The following PKHD1L1 variants were observed in gnomAD, a reference collection of about 807,000 sequenced individuals.
PKHD1L1 encodes the protein PKHD1 like 1.
Under a neutral mutation model 462.9 loss-of-function variants are expected in PKHD1L1, and 434 were observed. The ratio of observed to expected loss-of-function variants is 0.94; its 90% CI spans 0.87 to 1.02. PKHD1L1 has a LOEUF of 1.02. PKHD1L1 is among the 50% of genes least tolerant of loss of function. The pLI is 0.00. For synonymous variants in PKHD1L1, 1,781 were observed against 1,750.0 expected (o/e 1.02, Z -0.44); for missense variants, 5,202 against 5,096.1 (o/e 1.02, Z -0.63).
chr8:109,417,306 T>C (rs1367220335), intron 21 of PKHD1L1, among the ~76,000 whole-genome samples: 1 of 152,112 alleles, frequency 6.6e-6, no homozygotes. Context: ...ACATCTCATG[T>C]ACCCCACAAA....
At chr8:109,448,868 C>T (rs188484692) in intron 39 of PKHD1L1, among the ~76,000 whole-genome samples, 14 of 151,966 alleles carry the variant, frequency 9.2e-5, no homozygotes, top group African/African-American at 2.4e-4. Flanking sequence ...AAAACTTAAT[C>T]CTACTTAAAA....
At chr8:109,486,571 C>A in intron 58 of PKHD1L1, 77 bp from the exon 59 acceptor site, 1 of 1,391,338 alleles carries the variant, frequency 7.2e-7, no homozygotes, top group Non-Finnish European at 9.7e-7. Flanking sequence ...GGCTGTTTAG[C>A]ATATAAACTG....
chr8:109,459,494 T>G, intron 46 of PKHD1L1, 101 bp from the exon 47 acceptor site: 1 of 869,444 alleles, frequency 1.2e-6, no homozygotes, highest in Non-Finnish European at 1.6e-6. Context: ...AATAGTTTCC[T>G]ATTTTGCAGA....
chr8:109,483,717 A>G (rs1818387725), intron 57 of PKHD1L1, among the ~76,000 whole-genome samples: 2 of 151,192 alleles, frequency 1.3e-5, no homozygotes, highest in Non-Finnish European at 3.0e-5. Flanking sequence ...TTCTTGCAAA[A>G]CAGAAAATTG....
At chr8:109,400,947 C>T (rs1037557208) in intron 13 of PKHD1L1, among the ~76,000 whole-genome samples, 19 of 142,788 alleles carry the variant, frequency 1.3e-4, no homozygotes, top group African/African-American at 4.7e-4. Context: ...AGATTGCTTC[C>T]CAAACTGGTT....
At chr8:109,518,540 T>A (rs1445872614) in intron 73 of PKHD1L1, 32 bp downstream of exon 73, 2 of 1,522,920 alleles carry the variant, frequency 1.3e-6, no homozygotes, top group Non-Finnish European at 1.8e-6. Context: ...GATGGAGGAA[T>A]GCAATTACCA....
intron 59 of PKHD1L1, 23 bp from the exon 60 acceptor site, chr8:109,489,929 T>C (rs945154348): frequency 3.0e-5 from 44 of 1,448,380 alleles, no homozygotes; most frequent in Non-Finnish European, 4.0e-5. Flanking sequence ...GAAAAACAAA[T>C]TTTAAATCTT....
intron 15 of PKHD1L1, 33 bp downstream of exon 15, chr8:109,404,746 G>C: frequency 6.5e-7 from 1 of 1,545,094 alleles, no homozygotes; most frequent in Non-Finnish European, 8.7e-7. Context: ...CTTACAGAAA[G>C]TAAATGTTCG....
At chr8:109,514,159 C>T (rs1820144615) in intron 71 of PKHD1L1, among the ~76,000 whole-genome samples, 1 of 152,084 alleles carries the variant, frequency 6.6e-6, no homozygotes, top group Admixed American at 6.5e-5. Flanking sequence ...CCTCCCGGGC[C>T]TATGTTTCTG....
intron 19 of PKHD1L1, 91 bp downstream of exon 19, chr8:109,410,069 A>G: frequency 1.4e-6 from 1 of 710,848 alleles, no homozygotes; most frequent in Non-Finnish European, 2.1e-6. Flanking sequence ...AAGTAGCATT[A>G]ATAACTTTGT....
intron 62 of PKHD1L1, 127 bp from the exon 63 acceptor site, chr8:109,493,534 A>G: frequency 2.0e-6 from 1 of 491,132 alleles, no homozygotes; most frequent in East Asian, 3.3e-5. Flanking sequence ...AATAAATACA[A>G]ATTTTCCTCC....
chr8:109,400,397 T>G (rs1813214705), intron 13 of PKHD1L1, 53 bp downstream of exon 13: 7 of 1,525,238 alleles, frequency 4.6e-6, no homozygotes, highest in Non-Finnish European at 6.2e-6. Flanking sequence ...ATGGTGATAT[T>G]TATATGTATC....
At chr8:109,407,932 A>C (rs1418159486) in intron 17 of PKHD1L1, 117 bp from the exon 18 acceptor site, 1 of 637,632 alleles carries the variant, frequency 1.6e-6, no homozygotes, top group East Asian at 4.8e-5. Flanking sequence ...TGGAGCACCA[A>C]ATGAAACCAA....
At chr8:109,364,397 G>T (rs1207256831) in intron 1 of PKHD1L1, 150 bp from the exon 2 acceptor site, 2 of 655,330 alleles carry the variant, frequency 3.1e-6, no homozygotes, top group Non-Finnish European at 5.2e-6. Context: ...CATTGGCAGA[G>T]CCAAAAATAA....
intron 24 of PKHD1L1, among the ~76,000 whole-genome samples, chr8:109,426,631 AT>A (rs1814763718): frequency 6.6e-6 from 1 of 152,014 alleles, no homozygotes; most frequent in African/African-American, 2.4e-5. Flanking sequence ...TAAAGATGAA[AT>A]TGGTTTGTGA....
intron 16 of PKHD1L1, 120 bp from the exon 17 acceptor site, chr8:109,406,215 C>T (rs893269829): frequency 9.4e-6 from 8 of 853,292 alleles, no homozygotes; most frequent in Non-Finnish European, 1.3e-5. Flanking sequence ...TGATAACTTA[C>T]ATGGTACAGA....
chr8:109,452,272 G>A lies in PKHD1L1; in HGVS notation c.6499G>A (p.Ala2167Thr), dbSNP rs770321389. Residue 2167 changes from alanine to threonine, a missense_variant, in exon 42 of 78, where the codon GCC becomes ACC. Ala to Thr is a moderately conservative substitution (Grantham distance 58). Around this residue, in one of 3 missense-constraint regions of PKHD1L1, gnomAD observed 4,497 missense variants for 4,336.8 expected, o/e 1.04. Coordinates refer to ENST00000378402, the MANE Select transcript of PKHD1L1 (RefSeq NM_177531.6). ...VCVHIRGVGM[A>T]KLDNADFLYV... Reference sequence around the variant, plus strand: ...TGTCCACATCAGAGGTGTCGGCATGGCCAAACTGGTAATAGTGCTGTTGGG... The same window carrying A: ...TGTCCACATCAGAGGTGTCGGCATGACCAAACTGGTAATAGTGCTGTTGGG... 2 of 1,600,620 alleles carry A rather than the reference G, an allele frequency of 1.2e-6. No individual in the cohort carries two copies. The highest frequency in any genetic ancestry group is 8.5e-7 in the Non-Finnish European group (1 of 1,172,030).
chr8:109,440,805 G>A lies in PKHD1L1; in HGVS notation c.4052G>A (p.Arg1351Lys), dbSNP rs754472022. The change falls in exon 33 of 78, where the codon AGG becomes AAG. Residue 1351 changes from arginine to lysine, a missense_variant. Physicochemically the swap from Arg to Lys is conservative, Grantham distance 26. This residue lies in a region of PKHD1L1 where 4,497 missense variants were observed against 4,336.8 expected (regional missense o/e 1.04). Coordinates refer to ENST00000378402, the MANE Select transcript of PKHD1L1 (RefSeq NM_177531.6). ...SLFGGTEITI[R>K]GFGFSTIPAE... is the part of the protein sequence containing the mutation. The stretch of plus-strand genomic sequence containing the variant: ...TTTGGTGGAACTGAAATCACCATAA[G>A]GGGTTTTGGATTCAGCACAATACCA... The A allele has an allele frequency of 1.2e-5, 20 of 1,612,920 alleles. No homozygotes were observed. The Admixed American group carries it at 3.2e-4, about 26-fold the overall frequency.
In PKHD1L1 at chr8:109,465,059, T is replaced by G. The variant is rs776699975; in HGVS notation, c.8227T>G (p.Phe2743Val). 1 of 1,613,844 alleles carries G rather than the reference T, an allele frequency of 6.2e-7. No homozygotes were observed. Among genetic ancestry groups the G allele is most frequent in the Non-Finnish European group, 8.5e-7 (1 of 1,179,796 alleles). Residue 2743 changes from phenylalanine (F) to valine (V), a missense_variant, in exon 49 of 78, where the codon TTT becomes GTT. Physicochemically the swap from Phe to Val is conservative, Grantham distance 50. Around this residue, in one of 3 missense-constraint regions of PKHD1L1, gnomAD observed 4,497 missense variants for 4,336.8 expected, o/e 1.04. Transcript: ENST00000378402. The stretch of plus-strand genomic sequence containing the variant: ...AGGCTTGACTGTCTCTTCTGTGCAC[T>G]TTATGAACTTTGACCGTCCCAACTG... The part of the protein sequence containing the change: ...SEGLTVSSVH[F>V]MNFDRPNCVA...
Sources: allele counts gnomAD v4.1 joint callset (sites outside exome capture counted in the v4.1 genomes callset), GRCh38; gene constraint gnomAD v4.1.1; regional missense constraint gnomAD v4.1.1; transcripts MANE v1.5; gene names NCBI Gene and HGNC (gene_info 2026-07-23, HGNC 2026-07-21).